Variants in RYR2 observed in about 807,000 individuals in gnomAD.
RYR2 encodes the protein cardiac muscle ryanodine receptor-calcium release channel.
RYR2 carries 227 observed loss-of-function variants against 601.1 expected under a neutral mutation model. The ratio of observed to expected loss-of-function variants is 0.38; its 90% CI spans 0.34 to 0.42. The LOEUF (loss-of-function observed/expected upper bound fraction) is 0.42, where lower values mean the gene tolerates loss of function less well. Ranked by LOEUF, RYR2 falls within the 10% of genes least tolerant of loss-of-function variation. The probability of loss-of-function intolerance (pLI) is 1.00; values close to 1 mark genes in which losing one functional copy is unlikely to be tolerated. For synonymous variants in RYR2, 2,223 were observed against 2,175.1 expected (o/e 1.02, Z -0.61); for missense variants, 4,646 against 6,156.5 (o/e 0.75, Z 8.21).
At chr1:237,462,188 A>G (rs1342706635) in intron 16 of RYR2, among the ~76,000 whole-genome samples, 2 of 152,166 alleles carry the variant, frequency 1.3e-5, no homozygotes. Context: ...GTTATTCGAA[A>G]TAGGTAGACC....
chr1:237,371,312 C>T (rs1383108695), intron 6 of RYR2, among the ~76,000 whole-genome samples: 5 of 152,044 alleles, frequency 3.3e-5, no homozygotes, highest in Admixed American at 6.5e-5. Flanking sequence ...TGTGCTACCA[C>T]GCCTGGCTAA....
At chr1:237,377,473 G>A in intron 8 of RYR2, 38 bp downstream of exon 8, 1 of 1,436,426 alleles carries the variant, frequency 7.0e-7, no homozygotes, top group Non-Finnish European at 9.8e-7. Context: ...CTGCTGATAT[G>A]CTAAATGACA....
intron 19 of RYR2, among the ~76,000 whole-genome samples, chr1:237,495,717 A>G (rs1664001446): frequency 1.3e-5 from 2 of 152,202 alleles, no homozygotes; most frequent in Admixed American, 1.3e-4. Flanking sequence ...ATGAACAACA[A>G]AGCTTATTAA....
At chr1:237,367,430 T>C (rs749179005) in intron 5 of RYR2, among the ~76,000 whole-genome samples, 14 of 152,160 alleles carry the variant, frequency 9.2e-5, no homozygotes, top group Non-Finnish European at 1.2e-4. Context: ...TTTCTTATTT[T>C]AATACCTTTT....
At chr1:237,485,050 T>A (rs551638971) in intron 17 of RYR2, among the ~76,000 whole-genome samples, 1 of 152,294 alleles carries the variant, frequency 6.6e-6, no homozygotes, top group South Asian at 2.1e-4. Flanking sequence ...GCACAGAAAT[T>A]TGCCGAATTC....
At chr1:237,606,065 T>G (rs886254512) in intron 35 of RYR2, among the ~76,000 whole-genome samples, 7 of 151,374 alleles carry the variant, frequency 4.6e-5, no homozygotes, top group African/African-American at 1.7e-4. Context: ...TGGAAAAAAC[T>G]ACTTTAAAGT....
At chr1:237,701,036 G>A (rs1452227248) in intron 65 of RYR2, among the ~76,000 whole-genome samples, 7 of 152,128 alleles carry the variant, frequency 4.6e-5, no homozygotes, top group South Asian at 2.1e-4. Context: ...CCAAGATTAC[G>A]TGGAAAAAAT....
chr1:237,680,344 TA>T, intron 61 of RYR2, 111 bp from the exon 62 acceptor site: 1 of 779,656 alleles, frequency 1.3e-6, no homozygotes, highest in Non-Finnish European at 2.1e-6. Context: ...GGCATGGACA[TA>T]AGGAGACCTG....
In RYR2 at chr1:237,808,903, C is replaced by T. The variant is rs369715118; in HGVS notation, c.14301C>T (p.Leu4767=). ...GTCCTTGTCACATTGTTTTCCAGCT[C>T]GTATTAACCGTTGGCTTATTAGCTG... The part of the protein sequence containing the change: ...LSSVTHNGKQ[L]VLTVGLLAVV... The change falls in exon 100 of 105, where the codon CTC becomes CTT. Residue 4767 remains leucine, a splice_region_variant and synonymous_variant. Coordinates refer to ENST00000366574, the MANE Select transcript of RYR2 (RefSeq NM_001035.3). 27 of 1,613,270 alleles carry T rather than the reference C, an allele frequency of 1.7e-5. No individual in the cohort carries two copies. Among genetic ancestry groups the T allele is most frequent in the Middle Eastern group, 1.6e-4 (1 of 6,082 alleles).
At chr1:237,473,199 A>G (rs543603475) in intron 17 of RYR2, among the ~76,000 whole-genome samples, 1 of 152,054 alleles carries the variant, frequency 6.6e-6, no homozygotes, top group East Asian at 1.9e-4. Context: ...TGAGGTGGGC[A>G]AATCAGCTGA....
chr1:237,172,439 G>GA (rs1284405435), intron 1 of RYR2, among the ~76,000 whole-genome samples: 5 of 150,488 alleles, frequency 3.3e-5, no homozygotes, highest in Non-Finnish European at 4.4e-5. Flanking sequence ...CCATTGTACA[G>GA]AAAAAACAAA....
chr1:237,295,884 C>T (rs12132084), intron 2 of RYR2, among the ~76,000 whole-genome samples: 2 of 140,828 alleles, frequency 1.4e-5, no homozygotes, highest in African/African-American at 4.9e-5. Flanking sequence ...GAGCAGAGAT[C>T]GAGACAGAGT....
At chr1:237,113,624 G>A (rs1186881420) in intron 1 of RYR2, among the ~76,000 whole-genome samples, 1 of 152,180 alleles carries the variant, frequency 6.6e-6, no homozygotes, top group Non-Finnish European at 1.5e-5. Context: ...GGCCCAGGGA[G>A]TGGGTACATC....
rs376694930 is a variant in RYR2 at position 237,090,461 on chromosome 1, G to A, written c.48+47892G>A. On this transcript the variant is annotated intron_variant, in intron 1 of 104. Coordinates refer to ENST00000366574, the MANE Select transcript of RYR2 (RefSeq NM_001035.3). ...GAAGCAGAGATCAGAGACAGTTGAA[G>A]GTGCCACATTGCTGGAAGGCCAGGA... 8.7e-4 allele frequency among the ~76,000 whole-genome samples: 133 copies of A among 152,244 alleles called. 7 individuals carry two copies. The South Asian group carries it at 0.027, about 31-fold the overall frequency.
At chr1:237,825,381 C>T (rs1662975686) in intron 101 of RYR2, among the ~76,000 whole-genome samples, 1 of 152,188 alleles carries the variant, frequency 6.6e-6, no homozygotes, top group South Asian at 2.1e-4. Context: ...ACTATCTGAT[C>T]TTTGACAAAC....
rs552283165 is a variant in RYR2, at chr1:237,389,504, A to C, written c.773+1321A>C. Reference sequence around the variant, plus strand: ...AGGTGGGGAGAATCTGAGTCACGGAAATGAAATGCAGTAATTCGTGTGACA... The same window carrying C: ...AGGTGGGGAGAATCTGAGTCACGGACATGAAATGCAGTAATTCGTGTGACA... On this transcript the variant is annotated intron_variant, in intron 10 of 104. Transcript: ENST00000366574. Among the ~76,000 whole-genome samples the C allele has an allele frequency of 1.2e-4, 18 of 152,324 alleles. No individual in the cohort carries two copies. In the South Asian group the frequency reaches 3.5e-3, roughly 30 times the overall value.
intron 104 of RYR2, 69 bp downstream of exon 104, chr1:237,831,634 G>A: frequency 2.2e-6 from 2 of 927,052 alleles, no homozygotes; most frequent in Non-Finnish European, 3.4e-6. Flanking sequence ...AGAACAAAAT[G>A]TGTGCATTAA....
intron 53 of RYR2, among the ~76,000 whole-genome samples, 185 bp from the exon 54 acceptor site, chr1:237,657,759 A>T (rs1428990388): frequency 1.3e-5 from 2 of 151,986 alleles, no homozygotes; most frequent in African/African-American, 2.4e-5. Context: ...CAGATAGAAC[A>T]TTATCTGCTT....
chr1:237,539,641 G>A (rs1039575487), intron 25 of RYR2, among the ~76,000 whole-genome samples: 1 of 152,106 alleles, frequency 6.6e-6, no homozygotes, highest in Non-Finnish European at 1.5e-5. Context: ...GCTCAACAAT[G>A]AGAACACATG....
Sources: allele counts gnomAD v4.1 joint callset (sites outside exome capture counted in the v4.1 genomes callset), GRCh38; gene constraint gnomAD v4.1.1; transcripts MANE v1.5; gene names NCBI Gene and HGNC (gene_info 2026-07-23, HGNC 2026-07-21).